GNAL: variants seen among roughly 807,000 people sequenced by gnomAD.
GNAL encodes G protein subunit alpha L.
A neutral mutation model predicts 55.1 loss-of-function variants in GNAL; 18 were observed. The ratio of observed to expected loss-of-function variants is 0.33; its 90% confidence interval spans 0.23 to 0.48. The LOEUF is 0.48. Ranked by LOEUF, GNAL falls within the 20% of genes least tolerant of loss-of-function variation. GNAL has a pLI of 0.99. For synonymous variants in GNAL, 253 were observed against 237.0 expected (o/e 1.07, Z -0.62); for missense variants, 412 against 614.1 (o/e 0.67, Z 3.48).
chr18:11,723,711 G>A (rs561764921), intron 1 of GNAL, among the ~76,000 whole-genome samples: 3 of 152,278 alleles, frequency 2.0e-5, no homozygotes, highest in South Asian at 2.1e-4. Flanking sequence ...GCCCCCTCCC[G>A]TGATATCTGA....
chr18:11,802,599 A>G (rs1490466381), intron 4 of GNAL, among the ~76,000 whole-genome samples: 1 of 152,150 alleles, frequency 6.6e-6, no homozygotes, highest in East Asian at 1.9e-4. Flanking sequence ...CTTCCCATCC[A>G]TCCACAGATT....
chr18:11,706,068 A>G (rs1318524896), intron 1 of GNAL, among the ~76,000 whole-genome samples: 1 of 152,004 alleles, frequency 6.6e-6, no homozygotes, highest in Non-Finnish European at 1.5e-5. Context: ...TCATTAGCCC[A>G]TTTTTTAATC....
chr18:11,876,566 A>C (rs2036537286), intron 10 of GNAL, 55 bp from the exon 11 acceptor site: 5 of 1,025,898 alleles, frequency 4.9e-6, no homozygotes, highest in Non-Finnish European at 7.8e-6. Flanking sequence ...GTTTTCGTAG[A>C]GTTGTATCTT....
At chr18:11,808,042 A>T (rs1260258591) in intron 4 of GNAL, among the ~76,000 whole-genome samples, 3 of 147,620 alleles carry the variant, frequency 2.0e-5, no homozygotes. Flanking sequence ...TTTTTTTTTT[A>T]AAGACTTTGT....
At chr18:11,872,852 A>G (rs1485203648) in intron 10 of GNAL, among the ~76,000 whole-genome samples, 1 of 152,234 alleles carries the variant, frequency 6.6e-6, no homozygotes, top group African/African-American at 2.4e-5. Context: ...GGGTAGAGTC[A>G]TGCAGGCAAG....
At chr18:11,755,850 C>T (rs2033037900) in intron 4 of GNAL, among the ~76,000 whole-genome samples, 1 of 152,154 alleles carries the variant, frequency 6.6e-6, no homozygotes, top group South Asian at 2.1e-4. Context: ...TGCAGATGTC[C>T]TCCCGGTTCT....
rs1014673744 is a variant in GNAL, at chr18:11,710,117, C to G, written c.376+20178C>G. On this transcript the variant is annotated intron_variant, in intron 1 of 11. Coordinates refer to ENST00000334049, the MANE Select transcript of GNAL (RefSeq NM_182978.4). ...GGTATATCACATTAATTGATTTACACGTGTTGAATCATCCTTGCGTTTCAG... is the reference window on the plus strand; with the variant it reads ...GGTATATCACATTAATTGATTTACAGGTGTTGAATCATCCTTGCGTTTCAG... Among the ~76,000 whole-genome samples, 4 of 152,274 alleles carry G rather than the reference C, an allele frequency of 2.6e-5. No homozygotes were observed. In the South Asian group the frequency reaches 6.2e-4, roughly 24 times the overall value.
intron 4 of GNAL, among the ~76,000 whole-genome samples, chr18:11,770,407 A>G (rs2033596809): frequency 1.3e-5 from 2 of 152,210 alleles, no homozygotes; most frequent in African/African-American, 2.4e-5. Context: ...AAGGGAAAAC[A>G]TATTTTCTCT....
At chr18:11,801,157 C>T (rs987085323) in intron 4 of GNAL, among the ~76,000 whole-genome samples, 1 of 152,116 alleles carries the variant, frequency 6.6e-6, no homozygotes, top group Non-Finnish European at 1.5e-5. Flanking sequence ...ATGCTAAGTG[C>T]TTGATATACA....
intron 4 of GNAL, among the ~76,000 whole-genome samples, chr18:11,795,562 C>T (rs2034357047): frequency 6.6e-6 from 1 of 152,178 alleles, no homozygotes; most frequent in Non-Finnish European, 1.5e-5. Context: ...AGGATGGCGA[C>T]AGAAGAGCAG....
intron 4 of GNAL, among the ~76,000 whole-genome samples, chr18:11,819,033 G>T (rs1027786830): frequency 6.6e-6 from 1 of 151,006 alleles, no homozygotes; most frequent in Non-Finnish European, 1.5e-5. Context: ...CCCCACAGCC[G>T]CCAGACAGAC....
chr18:11,852,324 A>G (rs2035895191), intron 5 of GNAL: 1 of 573,542 alleles, frequency 1.7e-6, no homozygotes, highest in Non-Finnish European at 3.1e-6. Flanking sequence ...GCTCGTAATG[A>G]TGGTATTTTT....
At chr18:11,876,975 C>CA (rs1348422290) in intron 11 of GNAL, among the ~76,000 whole-genome samples, 17 of 152,158 alleles carry the variant, frequency 1.1e-4, no homozygotes, top group Non-Finnish European at 2.4e-4. Context: ...TTGTATTTTC[C>CA]AAAAAGGACA....
intron 5 of GNAL, among the ~76,000 whole-genome samples, chr18:11,848,138 G>A (rs886118251): frequency 2.0e-5 from 3 of 152,198 alleles, no homozygotes; most frequent in Admixed American, 2.0e-4. Context: ...GGGCATATGG[G>A]TTTGGAGCTC....
At chr18:11,832,844 G>T (rs2035416241) in intron 5 of GNAL, among the ~76,000 whole-genome samples, 1 of 151,818 alleles carries the variant, frequency 6.6e-6, no homozygotes, top group African/African-American at 2.4e-5. Flanking sequence ...TGGGTGACAA[G>T]AGTGAAACTC....
At chr18:11,708,914 G>T (rs895317464) in intron 1 of GNAL, among the ~76,000 whole-genome samples, 1 of 152,046 alleles carries the variant, frequency 6.6e-6, no homozygotes, top group African/African-American at 2.4e-5. Context: ...CTATATTTTC[G>T]TTCAGTAGTT....
chr18:11,841,644 CAAAA>C (rs56295234), intron 5 of GNAL, among the ~76,000 whole-genome samples: 79 of 122,722 alleles, frequency 6.4e-4, no homozygotes, highest in African/African-American at 1.9e-3. Context: ...GGGTCTGTCT[CAAAA>C]AAAAAAAAAA....
At chr18:11,747,872 C>G (rs1046057281) in intron 1 of GNAL, among the ~76,000 whole-genome samples, 1 of 152,176 alleles carries the variant, frequency 6.6e-6, no homozygotes, top group Non-Finnish European at 1.5e-5. Context: ...GACCCTCTGC[C>G]GGTGGCTCCC....
At chr18:11,787,476 A>G (rs2034091747) in intron 4 of GNAL, among the ~76,000 whole-genome samples, 1 of 152,222 alleles carries the variant, frequency 6.6e-6, no homozygotes, top group Non-Finnish European at 1.5e-5. Context: ...CGGAACTCAT[A>G]TAAGATACAG....
Sources: allele counts gnomAD v4.1 joint callset (sites outside exome capture counted in the v4.1 genomes callset), GRCh38; gene constraint gnomAD v4.1.1; transcripts MANE v1.5; gene names NCBI Gene and HGNC (gene_info 2026-07-23, HGNC 2026-07-21).